Variants in NRXN3 observed in about 807,000 individuals in gnomAD.
The protein encoded by NRXN3 is neurexin 3, also known as neurexin III.
NRXN3 carries 32 observed loss-of-function variants against 137.6 expected under a neutral mutation model. The ratio of observed to expected loss-of-function variants is 0.23; its 90% CI spans 0.18 to 0.31. The LOEUF (loss-of-function observed/expected upper bound fraction) is 0.31, where lower values mean the gene tolerates loss of function less well. NRXN3 is among the 10% of genes least tolerant of loss of function. NRXN3 has a pLI of 1.00. For missense variants in NRXN3, 1,574 were observed against 2,062.5 expected (o/e 0.76, Z 4.59); for synonymous variants, 798 against 784.5 (o/e 1.02, Z -0.29).
At chr14:78,526,115 C>T (rs2096374884) in intron 4 of NRXN3, among the ~76,000 whole-genome samples, 1 of 152,138 alleles carries the variant, frequency 6.6e-6, no homozygotes, top group Non-Finnish European at 1.5e-5. Flanking sequence ...TAGATAGCCG[C>T]ATAATTACTT....
chr14:79,659,770 C>T (rs928631922), intron 16 of NRXN3, among the ~76,000 whole-genome samples: 160 of 152,238 alleles, frequency 1.1e-3, no homozygotes, highest in African/African-American at 3.8e-3. Context: ...AGTAAAATAA[C>T]CAGACCAGGG....
At chr14:78,986,050 A>G (rs2099502996) in intron 14 of NRXN3, among the ~76,000 whole-genome samples, 1 of 152,302 alleles carries the variant, frequency 6.6e-6, no homozygotes, top group Non-Finnish European at 1.5e-5. Context: ...CCCTTCATGA[A>G]TAAATACAAA....
chr14:79,426,253 C>G (rs1290092932), intron 15 of NRXN3, among the ~76,000 whole-genome samples: 1 of 152,170 alleles, frequency 6.6e-6, no homozygotes, highest in African/African-American at 2.4e-5. Context: ...GCTACCATCA[C>G]CAGCTATAGC....
intron 16 of NRXN3, among the ~76,000 whole-genome samples, chr14:79,540,392 C>A (rs1012999899): frequency 6.6e-6 from 1 of 152,088 alleles, no homozygotes; most frequent in Admixed American, 6.6e-5. Context: ...TTAGCGTATT[C>A]ATCACCTCAT....
rs372766226 is a variant in NRXN3, at chr14:78,591,414, T to C, written c.758-53706T>C. On this transcript the variant is annotated intron_variant, in intron 4 of 20. Coordinates refer to ENST00000335750, the MANE Select transcript of NRXN3 (RefSeq NM_001330195.2). ...TATTGCGGGGCTGTGGACCACATTT[T>C]GAGTAGCGTGGTGTAGTGGACACTG... is the stretch of plus-strand genomic sequence containing the variant. Among the ~76,000 whole-genome samples the C allele has an allele frequency of 9.1e-4, 138 of 152,256 alleles. 1 individual carries two copies. The highest frequency in any genetic ancestry group is 3.1e-3 in the African/African-American group (127 of 41,552).
intron 15 of NRXN3, among the ~76,000 whole-genome samples, chr14:79,062,564 G>A (rs183185298): frequency 2.6e-5 from 4 of 152,258 alleles, no homozygotes; most frequent in East Asian, 3.9e-4. Context: ...AGATCTACTC[G>A]TTAGGGATGA....
In NRXN3 at chr14:78,225,428, C is replaced by CAT. The variant is rs2064418300; in HGVS notation, c.-703-16963_-703-16962insAT. On this transcript the variant is annotated intron_variant, in intron 1 of 20. Transcript: ENST00000335750. ...GAGAAGTGTCTGTTCATGTCCTTTG[C>CAT]CCACTTTTTGATGGGGTTGTTTGTT... 4.7e-4 allele frequency among the ~76,000 whole-genome samples: 72 copies of CAT among 152,184 alleles called. 2 individuals are homozygous for CAT. The South Asian group carries it at 0.014, about 29-fold the overall frequency.
chr14:79,621,098 G>T (rs1052810617), intron 16 of NRXN3, among the ~76,000 whole-genome samples: 3 of 152,108 alleles, frequency 2.0e-5, no homozygotes, highest in African/African-American at 7.2e-5. Flanking sequence ...AGTAATGTCA[G>T]CATTAGTTTC....
At chr14:78,620,260 C>G (rs1179931634) in intron 4 of NRXN3, among the ~76,000 whole-genome samples, 2 of 152,154 alleles carry the variant, frequency 1.3e-5, no homozygotes, top group East Asian at 3.9e-4. Flanking sequence ...TTATTTCAGA[C>G]AAATGCAGAT....
intron 15 of NRXN3, among the ~76,000 whole-genome samples, chr14:79,391,044 G>A (rs1214903182): frequency 6.6e-6 from 1 of 152,018 alleles, no homozygotes; most frequent in East Asian, 1.9e-4. Context: ...GACTTCCCAG[G>A]CTCCAGAATT....
intron 8 of NRXN3, among the ~76,000 whole-genome samples, chr14:78,765,853 C>G (rs779548400): frequency 1.3e-5 from 2 of 152,080 alleles, no homozygotes; most frequent in Non-Finnish European, 2.9e-5. Flanking sequence ...ATCTCCATAT[C>G]TATAGACTGC....
At chr14:78,968,111 C>A in intron 13 of NRXN3, 62 bp from the exon 14 acceptor site, 1 of 760,840 alleles carries the variant, frequency 1.3e-6, no homozygotes, top group Non-Finnish European at 1.8e-6. Context: ...GTGTATCAAA[C>A]TAGTTGACAT....
chr14:78,872,325 G>A (rs1355454431), intron 10 of NRXN3, among the ~76,000 whole-genome samples: 1 of 147,836 alleles, frequency 6.8e-6, no homozygotes, highest in Non-Finnish European at 1.5e-5. Context: ...TTTTCTAAGG[G>A]CTTTATGTTG....
chr14:79,308,752 A>G (rs1397491489), intron 15 of NRXN3, among the ~76,000 whole-genome samples: 1 of 151,358 alleles, frequency 6.6e-6, no homozygotes, highest in African/African-American at 2.4e-5. Context: ...AACTAATATC[A>G]CTAAGAACGC....
chr14:78,983,854 T>TAAAAAAAAAA (rs965751583), intron 14 of NRXN3, among the ~76,000 whole-genome samples: 27 of 105,724 alleles, frequency 2.6e-4, no homozygotes, highest in Non-Finnish European at 4.3e-4. Context: ...AGATTCCATT[T>TAAAAAAAAAA]AAAAAAAAAA....
At chr14:79,234,324 A>ATAT (rs1555883781) in intron 15 of NRXN3, among the ~76,000 whole-genome samples, 2 of 114,672 alleles carry the variant, frequency 1.7e-5, no homozygotes, top group African/African-American at 7.4e-5. Context: ...ATATATATAT[A>ATAT]TATATATATA....
intron 1 of NRXN3, among the ~76,000 whole-genome samples, chr14:78,209,499 C>T (rs767612655): frequency 1.3e-5 from 2 of 152,178 alleles, no homozygotes; most frequent in Admixed American, 6.5e-5. Flanking sequence ...ACTTACAGTT[C>T]GGCATGGCTG....
At chr14:79,731,242 G>A (rs1165725010) in intron 19 of NRXN3, among the ~76,000 whole-genome samples, 2 of 152,146 alleles carry the variant, frequency 1.3e-5, no homozygotes, top group South Asian at 2.1e-4. Flanking sequence ...CAATGCCGAA[G>A]TGCCCATTGG....
At chr14:79,823,719 C>T (rs962690140) in intron 20 of NRXN3, among the ~76,000 whole-genome samples, 6 of 152,248 alleles carry the variant, frequency 3.9e-5, no homozygotes, top group Non-Finnish European at 8.8e-5. Context: ...TATTTAGATA[C>T]GGAAGCTTCG....
Sources: allele counts gnomAD v4.1 joint callset (sites outside exome capture counted in the v4.1 genomes callset), GRCh38; gene constraint gnomAD v4.1.1; transcripts MANE v1.5; gene names NCBI Gene and HGNC (gene_info 2026-07-23, HGNC 2026-07-21).